Variants in NWD2 observed in about 807,000 individuals in gnomAD.
The protein encoded by NWD2 is NACHT and WD repeat domain containing 2.
In NWD2, 37 loss-of-function variants were observed where a neutral mutation model predicts 132.7. The ratio of observed to expected loss-of-function variants is 0.28; its 90% confidence interval spans 0.21 to 0.37. The LOEUF (loss-of-function observed/expected upper bound fraction) is 0.37, where lower values mean the gene tolerates loss of function less well. Among genes scored for constraint, NWD2 ranks in the 10% least tolerant of loss-of-function variants. The pLI is 1.00. For missense variants in NWD2, 1,592 were observed against 2,122.4 expected, an observed-to-expected ratio of 0.75 and a Z score of 4.91; for synonymous variants, 705 against 803.0, an observed-to-expected ratio of 0.88 and a Z score of 2.06.
chr4:37,398,497 T>C (rs561364800), intron 3 of NWD2, among the ~76,000 whole-genome samples: 1 of 152,252 alleles, frequency 6.6e-6, no homozygotes, highest in Admixed American at 6.5e-5. Flanking sequence ...AAATACCTAA[T>C]GCATGCAGAG....
intron 2 of NWD2, among the ~76,000 whole-genome samples, chr4:37,344,562 T>G (rs766504436): frequency 6.6e-6 from 1 of 152,136 alleles, no homozygotes; most frequent in Non-Finnish European, 1.5e-5. Context: ...ATAAATGATG[T>G]GATACTTTGG....
chr4:37,350,098 A>G (rs954409932), intron 2 of NWD2, among the ~76,000 whole-genome samples: 1 of 152,112 alleles, frequency 6.6e-6, no homozygotes, highest in Non-Finnish European at 1.5e-5. Context: ...GCCTTGTAGT[A>G]TAGTTTGAAG....
chr4:37,304,936 C>T (rs1718678233), intron 1 of NWD2, among the ~76,000 whole-genome samples: 1 of 152,212 alleles, frequency 6.6e-6, no homozygotes, highest in African/African-American at 2.4e-5. Context: ...CACTTCCCTT[C>T]CTCACTGCCC....
chr4:37,310,817 T>C (rs1718824481), intron 1 of NWD2, among the ~76,000 whole-genome samples: 1 of 122,336 alleles, frequency 8.2e-6, no homozygotes, highest in Admixed American at 1.1e-4. Flanking sequence ...CAGAGTGTGA[T>C]GTTCCCCTTC....
chr4:37,319,238 AACATTTTTTCATGTTTGGCCATTTG>A (rs1719022010), intron 1 of NWD2, among the ~76,000 whole-genome samples: 1 of 151,768 alleles, frequency 6.6e-6, no homozygotes, highest in African/African-American at 2.4e-5. Flanking sequence ...TGATGTGTGG[AACATTTTTTCATGTTTGGCCATTTG>A]TGTGTCTTCT....
rs202105367 is a variant in NWD2 at position 37,444,245 on chromosome 4, C to T, written c.2257C>T (p.Arg753Cys). The change falls in exon 7 of 7, where the codon CGT becomes TGT. Residue 753 changes from arginine (R) to cysteine (C), a missense_variant. Arg to Cys is a radical substitution (Grantham distance 180). This residue lies in a region of NWD2 where 1,071 missense variants were observed against 1,398.0 expected (regional missense o/e 0.77). Coordinates refer to ENST00000309447, the MANE Select transcript of NWD2 (RefSeq NM_001144990.2). The surrounding 1 kb of genome is among the most constrained non-coding windows in gnomAD (Gnocchi z 4.8). ...KLYLQDDNDLREMHTILADYF... is the reference protein window; with the variant it reads ...KLYLQDDNDLCEMHTILADYF... ...ATATCTGCAGGATGACAATGACCTGCGTGAAATGCACACCATCTTAGCAGA... is the reference window on the plus strand; with the variant it reads ...ATATCTGCAGGATGACAATGACCTGTGTGAAATGCACACCATCTTAGCAGA... 4.5e-5 allele frequency: 70 copies of T among 1,551,660 alleles called. No individual in the cohort carries two copies. The highest frequency in any genetic ancestry group is 5.6e-5 in the Non-Finnish European group (64 of 1,146,988).
chr4:37,283,358 T>G (rs1359839799), intron 1 of NWD2, among the ~76,000 whole-genome samples: 1 of 152,198 alleles, frequency 6.6e-6, no homozygotes, highest in Non-Finnish European at 1.5e-5. Flanking sequence ...AGCACTTACG[T>G]TCTCTTTAAT....
intron 3 of NWD2, among the ~76,000 whole-genome samples, chr4:37,381,140 C>T (rs11942192): frequency 0.027 from 4,104 of 152,184 alleles, 164 homozygotes; most frequent in African/African-American, 0.094. Flanking sequence ...CCCCAAGAAG[C>T]CTGAAATGTG....
chr4:37,315,586 G>C (rs2109283119), intron 1 of NWD2, among the ~76,000 whole-genome samples: 1 of 151,924 alleles, frequency 6.6e-6, no homozygotes, highest in Admixed American at 6.6e-5. Flanking sequence ...TGTGGTTTTG[G>C]ATCTAAAGTG....
At chr4:37,427,761 T>A (rs1034091752) in intron 3 of NWD2, among the ~76,000 whole-genome samples, 1 of 152,194 alleles carries the variant, frequency 6.6e-6, no homozygotes, top group Non-Finnish European at 1.5e-5. Flanking sequence ...TGAATTCAGT[T>A]ACCCACAGTC....
chr4:37,296,790 A>G (rs1037783358), intron 1 of NWD2, among the ~76,000 whole-genome samples: 5 of 152,160 alleles, frequency 3.3e-5, no homozygotes, highest in Non-Finnish European at 7.4e-5. Flanking sequence ...ATTCATCAAT[A>G]TATAATTCAC....
chr4:37,285,760 A>G (rs908194980), intron 1 of NWD2, among the ~76,000 whole-genome samples: 2 of 152,164 alleles, frequency 1.3e-5, no homozygotes, highest in Non-Finnish European at 2.9e-5. Flanking sequence ...TGAACATTTT[A>G]TGCAAAAGTT....
At chr4:37,341,506 C>T (rs957115345) in intron 2 of NWD2, among the ~76,000 whole-genome samples, 5 of 152,112 alleles carry the variant, frequency 3.3e-5, no homozygotes, top group Non-Finnish European at 7.4e-5. Context: ...ATAGCCAGAG[C>T]ACGAACAATG....
intron 3 of NWD2, among the ~76,000 whole-genome samples, chr4:37,393,727 T>C (rs1196232810): frequency 1.3e-5 from 2 of 152,220 alleles, no homozygotes; most frequent in Non-Finnish European, 2.9e-5. Context: ...TATATATTCT[T>C]CACAGCTCCT....
chr4:37,358,834 T>C lies in NWD2; in HGVS notation c.357+2352T>C, dbSNP rs116030838. On this transcript the variant is annotated intron_variant, in intron 3 of 6. Coordinates refer to ENST00000309447, the MANE Select transcript of NWD2 (RefSeq NM_001144990.2). Reference sequence around the variant, plus strand: ...TGAAATCACCTGGCTCAAACTGTAATGATGCATCCCCAAAAAAGTTTTTAT... The same window carrying C: ...TGAAATCACCTGGCTCAAACTGTAACGATGCATCCCCAAAAAAGTTTTTAT... Among the ~76,000 whole-genome samples the C allele has an allele frequency of 8.0e-3, 1,223 of 152,340 alleles. 15 individuals are homozygous for C. Among genetic ancestry groups the C allele is most frequent in the African/African-American group, 0.028 (1,157 of 41,588 alleles).
intron 3 of NWD2, among the ~76,000 whole-genome samples, chr4:37,398,414 C>G (rs558434689): frequency 6.6e-6 from 1 of 152,258 alleles, no homozygotes; most frequent in Admixed American, 6.5e-5. Flanking sequence ...AGCACATGGA[C>G]ACAGGGAGGG....
chr4:37,402,403 C>A (rs1235299033), intron 3 of NWD2, among the ~76,000 whole-genome samples: 1 of 152,114 alleles, frequency 6.6e-6, no homozygotes, highest in Non-Finnish European at 1.5e-5. Flanking sequence ...TTCTTTTTAT[C>A]TTTCCCAGCA....
chr4:37,445,260 C>T lies in NWD2; in HGVS notation c.3272C>T (p.Pro1091Leu), dbSNP rs375871515. The change falls in exon 7 of 7, where the codon CCG becomes CTG. Residue 1091 changes from proline to leucine, a missense_variant. Coordinates refer to ENST00000309447, the MANE Select transcript of NWD2 (RefSeq NM_001144990.2). This position sits in a 1 kb window ranked among gnomAD's most constrained non-coding sequence, Gnocchi z 4.7. ...GTCATCGATCTGCTGTACGGATGGC[C>T]GCTTTACCAGTTCCACTGCTGGTAT... ...VTVIDLLYGW[P>L]LYQFHCWYEV... 62 of 1,551,752 alleles carry T rather than the reference C, an allele frequency of 4.0e-5. No individual in the cohort carries two copies. The highest frequency in any genetic ancestry group is 7.1e-5 in the South Asian group (6 of 84,068).
At chr4:37,367,218 G>A (rs776892519) in intron 3 of NWD2, among the ~76,000 whole-genome samples, 1 of 142,332 alleles carries the variant, frequency 7.0e-6, no homozygotes, top group African/African-American at 2.6e-5. Context: ...AGTTAACACC[G>A]TTCTAAATAA....
Sources: gnomAD v4.1 joint callset for allele counts (sites outside exome capture counted in the v4.1 genomes callset) on GRCh38, gnomAD v4.1.1 for gene constraint, gnomAD v4.1.1 regional missense constraint, Gnocchi (gnomAD v3.1) non-coding constraint, MANE v1.5 for transcripts, NCBI Gene and HGNC (gene_info 2026-07-23, HGNC 2026-07-21) for gene names.